The following VWA2 variants were observed in gnomAD, a reference collection of about 807,000 sequenced individuals.
The protein encoded by VWA2 is von Willebrand factor A domain containing 2.
Under a neutral mutation model 70.4 loss-of-function variants are expected in VWA2, and 73 were observed. That is an observed-to-expected ratio of 1.04 (90% CI 0.86 to 1.26). The LOEUF (loss-of-function observed/expected upper bound fraction) is 1.26, where lower values mean the gene tolerates loss of function less well. Among genes scored for constraint, VWA2 ranks in the 50% most tolerant of loss-of-function variants. The pLI is 0.00. For synonymous variants in VWA2, 407 were observed against 423.3 expected (o/e 0.96, Z 0.47); for missense variants, 1,011 against 998.5 (o/e 1.01, Z -0.17).
At chr10:114,244,657 G>A (rs897471594) in intron 1 of VWA2, among the ~76,000 whole-genome samples, 1 of 152,136 alleles carries the variant, frequency 6.6e-6, no homozygotes, top group South Asian at 2.1e-4. Context: ...TCCAGGTGTA[G>A]GGCTGTATTT....
At chr10:114,280,440 C>CG (rs1353574885) in intron 8 of VWA2, among the ~76,000 whole-genome samples, 7 of 144,236 alleles carry the variant, frequency 4.9e-5, no homozygotes, top group Non-Finnish European at 7.4e-5. Context: ...GTGGGGTAGG[C>CG]GGGGGGTTGG....
intron 1 of VWA2, among the ~76,000 whole-genome samples, chr10:114,243,621 G>C (rs1289798896): frequency 6.6e-6 from 1 of 152,118 alleles, no homozygotes; most frequent in East Asian, 1.9e-4. Context: ...ATTGCATTTT[G>C]TAAGGAGGTA....
At chr10:114,274,988 C>T (rs377505703) in intron 6 of VWA2, among the ~76,000 whole-genome samples, 5 of 152,166 alleles carry the variant, frequency 3.3e-5, no homozygotes, top group African/African-American at 4.8e-5. Flanking sequence ...AGGAAGTTTG[C>T]GGTGCACATT....
Position 114,289,242 on chromosome 10 carries a change from G to C in VWA2, c.1875G>C (p.Gln625His). ...LHIYDKVMTV[Q>H]RGARPGVPKA... ...TCTATGACAAAGTGATGACCGTCCA[G>C]AGGGGTGCCCGGCCTGGTGTCCCCA... The change falls in exon 12 of 14, where the codon CAG (glutamine) becomes CAC (histidine). Residue 625 changes from glutamine to histidine, a missense_variant. Gln to His is a conservative substitution (Grantham distance 24). Transcript: ENST00000392982. The C allele has an allele frequency of 1.9e-6, 3 of 1,614,096 alleles. No individual in the cohort carries two copies. The highest frequency in any genetic ancestry group is 2.5e-6 in the Non-Finnish European group (3 of 1,179,984).
chr10:114,292,983 A>G lies in VWA2; in HGVS notation c.*1746A>G, dbSNP rs502568. 0.042 allele frequency among the ~76,000 whole-genome samples: 6,428 copies of G among 152,334 alleles called. 193 individuals carry two copies. The highest frequency in any genetic ancestry group is 0.08 in the African/African-American group (3,325 of 41,576). On this transcript the variant is annotated 3_prime_UTR_variant, in exon 14 of 14. Coordinates refer to ENST00000392982, the MANE Select transcript of VWA2 (RefSeq NM_001272046.2). ...TGGCCTCCCAAAGTTCTGGGATTAC[A>G]GGGGTGAACCACTGTGCCTGGCCCA...
chr10:114,259,782 C>G (rs925898611), intron 4 of VWA2, among the ~76,000 whole-genome samples: 1 of 152,124 alleles, frequency 6.6e-6, no homozygotes, highest in African/African-American at 2.4e-5. Context: ...GCGCTCCTTC[C>G]CAGAAGCTTC....
rs568356021 is a variant in VWA2 at position 114,247,920 on chromosome 10, GT to G, written c.-10-775del. 1.9e-4 allele frequency among the ~76,000 whole-genome samples: 28 copies of G among 151,272 alleles called. 1 individual carries two copies. The highest frequency in any genetic ancestry group is 3.9e-4 in the African/African-American group (16 of 41,202). ...GTGTGGCTCCTGCATGGGTGGTGAA[GT>G]TTTTTTTTAAAAAAACTTCTCAAAA... On this transcript the variant is annotated intron_variant, in intron 1 of 13. Coordinates refer to ENST00000392982, the MANE Select transcript of VWA2 (RefSeq NM_001272046.2).
At position 114,284,902 on chromosome 10, in the gene VWA2, G is replaced by T. The variant is rs2038667049; in HGVS notation, c.929G>T (p.Cys310Phe). 1 of 1,607,568 alleles carries T rather than the reference G, an allele frequency of 6.2e-7. No individual in the cohort carries two copies. Among genetic ancestry groups the T allele is most frequent in the Non-Finnish European group, 8.5e-7 (1 of 1,177,958 alleles). The change falls in exon 10 of 14, where the codon TGT (cysteine) becomes TTT (phenylalanine). Residue 310 changes from cysteine (C) to phenylalanine (F), a missense_variant. Coordinates refer to ENST00000392982, the MANE Select transcript of VWA2 (RefSeq NM_001272046.2). ...CAGCCCTGCCAGAATGGAGGCACAT[G>T]TGTTCCAGAAGGACTGGACGGCTAC... Reference protein sequence around the residue: ...DSQPCQNGGTCVPEGLDGYQC... With the variant: ...DSQPCQNGGTFVPEGLDGYQC...
Position 114,290,895 on chromosome 10 carries a change from T to G in VWA2, c.2249-323T>G, listed in dbSNP as rs142360642. Among the ~76,000 whole-genome samples the G allele has an allele frequency of 8.5e-4, 130 of 152,244 alleles. 4 individuals are homozygous for G. The East Asian group carries it at 0.024, about 28-fold the overall frequency. Reference sequence around the variant, plus strand: ...AGAAGTCATTGTCAAGGGTAACAGATTAGGACCTAGAGAGTGATCGTTGGG... The same window carrying G: ...AGAAGTCATTGTCAAGGGTAACAGAGTAGGACCTAGAGAGTGATCGTTGGG... On this transcript the variant is annotated intron_variant, in intron 13 of 13. Coordinates refer to ENST00000392982, the MANE Select transcript of VWA2 (RefSeq NM_001272046.2).
intron 6 of VWA2, among the ~76,000 whole-genome samples, chr10:114,274,549 A>G (rs555878609): frequency 3.3e-5 from 5 of 152,076 alleles, no homozygotes; most frequent in African/African-American, 1.2e-4. Flanking sequence ...ATCTCAGCTC[A>G]CTGCAACCTC....
At chr10:114,241,254 G>A (rs1220149464) in intron 1 of VWA2, among the ~76,000 whole-genome samples, 1 of 152,002 alleles carries the variant, frequency 6.6e-6, no homozygotes, top group Non-Finnish European at 1.5e-5. Context: ...TTTGCCCTGG[G>A]GTTTGCTCCT....
rs1427596796 is a variant in VWA2 at position 114,286,165 on chromosome 10, G to T, written c.1224G>T (p.Trp408Cys). ...ACCAGGATGTGCCTGACCTGGTCTG[G>T]AGCCTCGATGGCATTCCCTTCCGTG... The part of the protein sequence containing the change: ...GEYQDVPDLV[W>C]SLDGIPFRGG... The change falls in exon 11 of 14, where the codon TGG becomes TGT. Residue 408 changes from tryptophan to cysteine, a missense_variant. Trp to Cys is a radical substitution (Grantham distance 215). Transcript: ENST00000392982. The T allele has an allele frequency of 3.1e-6, 5 of 1,614,094 alleles. No homozygotes were observed. Among genetic ancestry groups the T allele is most frequent in the Non-Finnish European group, 4.2e-6 (5 of 1,180,016 alleles).
At chr10:114,265,796 T>G (rs530668929) in intron 5 of VWA2, among the ~76,000 whole-genome samples, 2 of 152,278 alleles carry the variant, frequency 1.3e-5, no homozygotes, top group South Asian at 4.2e-4. Context: ...CTGTGTATGA[T>G]TAGCACTTAT....
intron 8 of VWA2, among the ~76,000 whole-genome samples, chr10:114,280,249 C>T (rs1341185053): frequency 2.0e-5 from 3 of 152,232 alleles, no homozygotes; most frequent in East Asian, 3.8e-4. Context: ...CTGAGGGCCT[C>T]CTGTGCTCCT....
rs896245651 is a variant in VWA2, at chr10:114,254,315, G to A, written c.127+590G>A. 7.2e-5 allele frequency among the ~76,000 whole-genome samples: 11 copies of A among 151,986 alleles called. No individual in the cohort carries two copies. The South Asian group carries it at 8.3e-4, about 12-fold the overall frequency. ...TCGAACTCCTGAACTCAAGCAATCC[G>A]CCCGCGTTGGTCTCCCAAAGTGCTG... On this transcript the variant is annotated intron_variant, in intron 3 of 13. Coordinates refer to ENST00000392982, the MANE Select transcript of VWA2 (RefSeq NM_001272046.2).
intron 5 of VWA2, among the ~76,000 whole-genome samples, chr10:114,267,411 C>T (rs762647770): frequency 3.3e-5 from 5 of 151,256 alleles, no homozygotes; most frequent in South Asian, 2.1e-4. Flanking sequence ...GCCACCGCGC[C>T]GGCTGGGTTT....
chr10:114,256,935 A>G (rs1401243620), intron 4 of VWA2, among the ~76,000 whole-genome samples: 4 of 149,792 alleles, frequency 2.7e-5, no homozygotes, highest in African/African-American at 9.9e-5. Context: ...AAAAAAAATT[A>G]AGAGATGATG....
intron 5 of VWA2, among the ~76,000 whole-genome samples, chr10:114,266,989 C>G (rs1286204192): frequency 1.3e-5 from 2 of 151,844 alleles, no homozygotes; most frequent in East Asian, 3.9e-4. Flanking sequence ...TTTAATAATC[C>G]AAGTTCAGGT....
chr10:114,280,709 T>C (rs1047575847), intron 8 of VWA2: 3 of 152,216 alleles, frequency 2.0e-5, no homozygotes, highest in Admixed American at 1.3e-4. Flanking sequence ...ACGATTTCTC[T>C]TGAATGAGCT....
Sources: gnomAD v4.1 joint callset for allele counts (sites outside exome capture counted in the v4.1 genomes callset) on GRCh38, gnomAD v4.1.1 for gene constraint, MANE v1.5 for transcripts, NCBI Gene and HGNC (gene_info 2026-07-23, HGNC 2026-07-21) for gene names.